Variants in EFCAB11 observed in about 807,000 individuals in gnomAD.
The protein encoded by EFCAB11 is EF-hand calcium-binding domain-containing protein 11.
A neutral mutation model predicts 23.0 loss-of-function variants in EFCAB11; 14 were observed. The observed-to-expected ratio is 0.61, with a 90% CI of 0.40 to 0.95. The LOEUF is 0.95. Among genes scored for constraint, EFCAB11 ranks in the 40% least tolerant of loss-of-function variants. The pLI is 0.00. For synonymous variants in EFCAB11, 65 were observed against 66.6 expected (o/e 0.98, Z 0.11); for missense variants, 198 against 195.8 (o/e 1.01, Z -0.07).
intron 5 of EFCAB11, chr14:89,830,015 G>C (rs527392219): frequency 7.6e-4 from 115 of 152,184 alleles, no homozygotes; most frequent in African/African-American, 2.5e-3. Flanking sequence ...ATTTTAAAAT[G>C]AATAAACTGA....
At chr14:89,829,040 G>A (rs1044773369) in intron 5 of EFCAB11, among the ~76,000 whole-genome samples, 1 of 152,172 alleles carries the variant, frequency 6.6e-6, no homozygotes, top group African/African-American at 2.4e-5. Flanking sequence ...ATGTGCAATT[G>A]GAACATGATG....
chr14:89,909,003 T>C (rs773966831), intron 5 of EFCAB11, among the ~76,000 whole-genome samples: 2 of 152,174 alleles, frequency 1.3e-5, no homozygotes, highest in African/African-American at 4.8e-5. Context: ...CTGGATCCAG[T>C]TGGTGCTCCA....
intron 5 of EFCAB11, among the ~76,000 whole-genome samples, chr14:89,821,889 A>G (rs533654602): frequency 6.6e-6 from 1 of 152,368 alleles, no homozygotes; most frequent in South Asian, 2.1e-4. Flanking sequence ...TGAACAATCC[A>G]AAAAGGAGAA....
At chr14:89,885,749 GGAAAGAAAGGAAAGAAA>G (rs1888742874) in intron 5 of EFCAB11, among the ~76,000 whole-genome samples, 1 of 66,752 alleles carries the variant, frequency 1.5e-5, no homozygotes, top group Non-Finnish European at 3.3e-5. Context: ...GAGAAAGAAA[GGAAAGAAAGGAAAGAAA>G]GAAAGAAAGA....
At chr14:89,850,178 C>G (rs745947403) in intron 5 of EFCAB11, among the ~76,000 whole-genome samples, 1 of 152,230 alleles carries the variant, frequency 6.6e-6, no homozygotes, top group Non-Finnish European at 1.5e-5. Context: ...TTTCAATTCT[C>G]TAAGCCTCTG....
chr14:89,943,656 C>T (rs77309408), intron 3 of EFCAB11, among the ~76,000 whole-genome samples: 2,650 of 152,170 alleles, frequency 0.017, 77 homozygotes, highest in African/African-American at 0.061. Flanking sequence ...AAAATTGACT[C>T]GTATCAATAA....
intron 5 of EFCAB11, among the ~76,000 whole-genome samples, chr14:89,885,615 T>G (rs565030193): frequency 6.7e-6 from 1 of 150,184 alleles, no homozygotes; most frequent in African/African-American, 2.5e-5. Context: ...AGGTGGAGGT[T>G]GCAGTGAGCT....
intron 5 of EFCAB11, among the ~76,000 whole-genome samples, chr14:89,866,597 T>C (rs1282368118): frequency 6.6e-6 from 1 of 152,196 alleles, no homozygotes; most frequent in Non-Finnish European, 1.5e-5. Context: ...AATGCTCTCC[T>C]AAGCCCTGGG....
chr14:89,888,147 T>G (rs1888850520), intron 5 of EFCAB11, among the ~76,000 whole-genome samples: 1 of 152,204 alleles, frequency 6.6e-6, no homozygotes, highest in Admixed American at 6.5e-5. Flanking sequence ...CTGCCCCAAA[T>G]GCATATGTTA....
At chr14:89,827,948 A>C (rs1886756744) in intron 5 of EFCAB11, among the ~76,000 whole-genome samples, 1 of 152,010 alleles carries the variant, frequency 6.6e-6, no homozygotes, top group South Asian at 2.1e-4. Context: ...TTCACTCTTG[A>C]CATGCATCTT....
In EFCAB11 at chr14:89,810,922, A is replaced by G. The variant is rs139855550; in HGVS notation, c.411-13598T>C. 4.8e-3 allele frequency among the ~76,000 whole-genome samples: 726 copies of G among 152,254 alleles called. 8 individuals are homozygous for G. Among genetic ancestry groups the G allele is most frequent in the African/African-American group, 0.016 (670 of 41,542 alleles). On this transcript the variant is annotated intron_variant, in intron 5 of 5. Coordinates refer to ENST00000316738, the MANE Select transcript of EFCAB11 (RefSeq NM_145231.4). ...TTATCCAATCCTGGGAGAGAATTCT[A>G]TAAGCAAAATTAAATAATTCTATTA...
intron 5 of EFCAB11, among the ~76,000 whole-genome samples, chr14:89,870,695 G>T (rs772289973): frequency 3.8e-4 from 57 of 151,270 alleles, no homozygotes; most frequent in Non-Finnish European, 7.2e-4. Flanking sequence ...ACTTTGGAAG[G>T]CTGAGGTAGG....
In EFCAB11 at chr14:89,893,363, G is replaced by A. The variant is rs189702614; in HGVS notation, c.410+38178C>T. On this transcript the variant is annotated intron_variant, in intron 5 of 5. Coordinates refer to ENST00000316738, the MANE Select transcript of EFCAB11 (RefSeq NM_145231.4). Reference sequence around the variant, plus strand: ...AGGGGCTGAAAAATGGATGTTGGAGGCTGGGATGAACACGAATGTGCAGCA... The same window carrying A: ...AGGGGCTGAAAAATGGATGTTGGAGACTGGGATGAACACGAATGTGCAGCA... Among the ~76,000 whole-genome samples the A allele has an allele frequency of 9.9e-5, 15 of 152,284 alleles. No homozygotes were observed. The East Asian group carries it at 2.3e-3, about 24-fold the overall frequency.
chr14:89,941,049 C>G (rs572002595), intron 3 of EFCAB11, among the ~76,000 whole-genome samples: 13 of 152,208 alleles, frequency 8.5e-5, no homozygotes, highest in Non-Finnish European at 1.6e-4. Flanking sequence ...GAAGCAACAG[C>G]CTTACAAAAT....
chr14:89,868,944 G>A (rs1273935909), intron 5 of EFCAB11, among the ~76,000 whole-genome samples: 2 of 152,226 alleles, frequency 1.3e-5, no homozygotes, highest in African/African-American at 4.8e-5. Flanking sequence ...TATAGCTCAC[G>A]TCTGTAATTC....
chr14:89,952,958 ACAGGAAAG>A (rs1459301947), intron 2 of EFCAB11, among the ~76,000 whole-genome samples: 1 of 152,220 alleles, frequency 6.6e-6, no homozygotes, highest in East Asian at 1.9e-4. Flanking sequence ...AATGAATGTA[ACAGGAAAG>A]CAGAAAAGCA....
chr14:89,921,571 C>T (rs1176862555), intron 5 of EFCAB11, among the ~76,000 whole-genome samples: 1 of 152,124 alleles, frequency 6.6e-6, no homozygotes, highest in African/African-American at 2.4e-5. Context: ...TAATAAGCTC[C>T]CTGATGCTGA....
chr14:89,832,492 G>A (rs905779499), intron 5 of EFCAB11, among the ~76,000 whole-genome samples: 4 of 152,054 alleles, frequency 2.6e-5, no homozygotes, highest in Non-Finnish European at 5.9e-5. Flanking sequence ...CGCCTATGTC[G>A]CACATGTATG....
At chr14:89,923,681 ATAGTCATAGTCACTAAAT>A (rs1890091595) in intron 5 of EFCAB11, 1 of 985,214 alleles carries the variant, frequency 1.0e-6, no homozygotes, top group South Asian at 4.7e-5. Flanking sequence ...TCAAAGACCA[ATAGTCATAGTCACTAAAT>A]TAGGTACTCA....
Sources: gnomAD v4.1 joint callset for allele counts (sites outside exome capture counted in the v4.1 genomes callset) on GRCh38, gnomAD v4.1.1 for gene constraint, MANE v1.5 for transcripts, NCBI Gene and HGNC (gene_info 2026-07-23, HGNC 2026-07-21) for gene names.